Variants in ACTG2 observed in about 807,000 individuals in gnomAD.
ACTG2 encodes actin, gamma-enteric smooth muscle.
Under a neutral mutation model 37.6 loss-of-function variants are expected in ACTG2, and 16 were observed. The ratio of observed to expected loss-of-function variants is 0.43; its 90% CI spans 0.29 to 0.65. The LOEUF is 0.65. Among genes scored for constraint, ACTG2 ranks in the 30% least tolerant of loss-of-function variants. ACTG2 has a pLI of 0.18. For missense variants in ACTG2, 238 were observed against 490.9 expected, an observed-to-expected ratio of 0.48 and a Z score of 4.87; for synonymous variants, 181 against 179.9, an observed-to-expected ratio of 1.01 and a Z score of -0.05.
At position 73,908,708 on chromosome 2, in the gene ACTG2, A is replaced by T; in HGVS notation, c.291A>T (p.Val97=). Residue 97 remains valine (V), a synonymous_variant, in exon 4 of 9, where the codon GTA becomes GTT. Coordinates refer to ENST00000345517, the MANE Select transcript of ACTG2 (RefSeq NM_001615.4). ...ACTCCTTCTACAATGAGCTGCGTGT[A>T]GCACCTGAAGAGCACCCCACCCTGC... ...WHHSFYNELR[V]APEEHPTLLT... is the part of the protein sequence containing the mutation. 1 of 1,613,138 alleles carries T rather than the reference A, an allele frequency of 6.2e-7. No homozygotes were observed. The highest frequency in any genetic ancestry group is 8.5e-7 in the Non-Finnish European group (1 of 1,179,562).
chr2:73,916,443 A>C (rs1653253), intron 7 of ACTG2, 141 bp from the exon 8 acceptor site: 413,580 of 699,968 alleles, frequency 0.59, 126,120 homozygotes, highest in Non-Finnish European at 0.63. Flanking sequence ...GGAAGGGGGT[A>C]TGATCTTATA....
chr2:73,913,656 C>T lies in ACTG2; in HGVS notation c.613+10C>T. ...TCCTTTGTGACCACAGGTATCCAGC[C>T]CCTTTTCTGATTCTGACTGGAGCTC... is the stretch of plus-strand genomic sequence containing the variant. On this transcript the variant is annotated intron_variant, in intron 6 of 8. Transcript: ENST00000345517. 1 of 1,602,622 alleles carries T rather than the reference C, an allele frequency of 6.2e-7. No individual in the cohort carries two copies. Among genetic ancestry groups the T allele is most frequent in the Non-Finnish European group, 8.5e-7 (1 of 1,171,756 alleles).
intron 5 of ACTG2, 40 bp downstream of exon 5, chr2:73,909,179 G>A: frequency 1.3e-6 from 2 of 1,566,046 alleles, no homozygotes; most frequent in Non-Finnish European, 8.8e-7. Flanking sequence ...TGACTTCAGG[G>A]GAGGTAGGGA....
Position 73,899,100 on chromosome 2 carries a change from G to A in ACTG2, c.-36-2176G>A, listed in dbSNP as rs57973261. Among the ~76,000 whole-genome samples the A allele has an allele frequency of 4.6e-3, 704 of 152,128 alleles. 4 individuals carry two copies. The highest frequency in any genetic ancestry group is 0.015 in the African/African-American group (640 of 41,506). Reference sequence around the variant, plus strand: ...GCTGGGATTACAGGCGTGAGCCACCGCGCCCGGCCACAAGAACTTTCACAG... The same window carrying A: ...GCTGGGATTACAGGCGTGAGCCACCACGCCCGGCCACAAGAACTTTCACAG... On this transcript the variant is annotated intron_variant, in intron 1 of 8. Coordinates refer to ENST00000345517, the MANE Select transcript of ACTG2 (RefSeq NM_001615.4).
At chr2:73,899,387 G>A (rs1212100958) in intron 1 of ACTG2, among the ~76,000 whole-genome samples, 1 of 152,058 alleles carries the variant, frequency 6.6e-6, no homozygotes. Flanking sequence ...GCTTGGGCCT[G>A]GGAGGTCGAG....
chr2:73,908,834 C>T (rs1680069875), intron 4 of ACTG2, 51 bp downstream of exon 4: 2 of 1,476,854 alleles, frequency 1.4e-6, no homozygotes, highest in South Asian at 1.1e-5. Context: ...AACATGGATG[C>T]TTGGCCAGAT....
At chr2:73,919,135 A>C (rs1680327956) in intron 8 of ACTG2, among the ~76,000 whole-genome samples, 1 of 152,226 alleles carries the variant, frequency 6.6e-6, no homozygotes, top group African/African-American at 2.4e-5. Context: ...GAGCAAGAGA[A>C]CATGCCCAAG....
At chr2:73,895,502 C>T (rs536513418) in intron 1 of ACTG2, among the ~76,000 whole-genome samples, 8 of 152,270 alleles carry the variant, frequency 5.3e-5, no homozygotes, top group South Asian at 2.1e-4. Flanking sequence ...TTTGTATATA[C>T]GTGTAGGCAA....
intron 1 of ACTG2, among the ~76,000 whole-genome samples, chr2:73,898,309 C>G (rs1054310385): frequency 1.6e-5 from 1 of 62,240 alleles, no homozygotes; most frequent in Non-Finnish European, 4.9e-5. Context: ...TTTACCTTCT[C>G]TGAGATTTGG....
chr2:73,894,853 G>A (rs532673707), intron 1 of ACTG2, among the ~76,000 whole-genome samples: 3 of 152,314 alleles, frequency 2.0e-5, no homozygotes, highest in African/African-American at 7.2e-5. Flanking sequence ...CGCAGGGCTG[G>A]ATTACAAGGG....
At chr2:73,901,524 G>T in intron 2 of ACTG2, 87 bp downstream of exon 2, 1 of 1,342,826 alleles carries the variant, frequency 7.4e-7, no homozygotes. Flanking sequence ...GGGGGTTAGG[G>T]GAAGGAAATG....
chr2:73,895,218 G>T (rs13024800), intron 1 of ACTG2, among the ~76,000 whole-genome samples: 2 of 151,788 alleles, frequency 1.3e-5, no homozygotes, highest in South Asian at 2.1e-4. Context: ...GGAGATGCAC[G>T]GCAGGCTCTG....
intron 8 of ACTG2, among the ~76,000 whole-genome samples, chr2:73,919,136 C>T (rs952675185): frequency 6.6e-5 from 10 of 152,206 alleles, no homozygotes; most frequent in Non-Finnish European, 1.3e-4. Context: ...AGCAAGAGAA[C>T]ATGCCCAAGT....
chr2:73,919,586 G>C lies in ACTG2; in HGVS notation c.*11G>C. On this transcript the variant is annotated 3_prime_UTR_variant, in exon 9 of 9. Transcript: ENST00000345517. ...AGGAAGTGCTTCTAAAGTCAGAACA[G>C]GTTCTCCAAGGATCCCCTCGAGACT... The C allele has an allele frequency of 1.2e-6, 2 of 1,613,008 alleles. No individual in the cohort carries two copies. The highest frequency in any genetic ancestry group is 1.7e-5 in the Admixed American group (1 of 59,776).
chr2:73,902,458 C>A lies in ACTG2; in HGVS notation c.225C>A (p.Gly75=), dbSNP rs755027476. ...CTCTCAAATACCCCATTGAACACGG[C>A]ATCATCACCAACTGGGATGACATGG... ...ILTLKYPIEH[G]IITNWDDMEK... Residue 75 remains glycine, a synonymous_variant, in exon 3 of 9, where the codon GGC becomes GGA. Coordinates refer to ENST00000345517, the MANE Select transcript of ACTG2 (RefSeq NM_001615.4). 10 of 1,613,966 alleles carry A rather than the reference C, an allele frequency of 6.2e-6. No homozygotes were observed. The South Asian group carries it at 9.9e-5, about 16-fold the overall frequency.
chr2:73,907,484 G>T (rs1042185941), intron 3 of ACTG2, among the ~76,000 whole-genome samples: 1 of 152,082 alleles, frequency 6.6e-6, no homozygotes, highest in African/African-American at 2.4e-5. Context: ...TAAAACAGTG[G>T]TTCTTTTTTA....
At chr2:73,904,777 G>GTGTGTATATATATATATATA (rs1427483105) in intron 3 of ACTG2, among the ~76,000 whole-genome samples, 1 of 42,604 alleles carries the variant, frequency 2.3e-5, no homozygotes, top group Non-Finnish European at 4.7e-5. Context: ...GTGTGTGTGT[G>GTGTGTATATATATATATATA]TATATATATA....
At chr2:73,917,224 T>G (rs766138084) in intron 8 of ACTG2, among the ~76,000 whole-genome samples, 32 of 151,866 alleles carry the variant, frequency 2.1e-4, no homozygotes, top group Non-Finnish European at 4.6e-4. Flanking sequence ...ATTGAGAGGG[T>G]TAAGAAGGAA....
At chr2:73,901,516 G>A (rs746869758) in intron 2 of ACTG2, 79 bp downstream of exon 2, 14 of 1,402,664 alleles carry the variant, frequency 1.0e-5, no homozygotes, top group Admixed American at 4.7e-5. Flanking sequence ...GCTGAGCTGG[G>A]GGTTAGGGGA....
Sources: gnomAD v4.1 joint callset for allele counts (sites outside exome capture counted in the v4.1 genomes callset) on GRCh38, gnomAD v4.1.1 for gene constraint, MANE v1.5 for transcripts, NCBI Gene and HGNC (gene_info 2026-07-23, HGNC 2026-07-21) for gene names.